Variants in HTR2C observed in about 807,000 individuals in gnomAD.
HTR2C encodes the protein 5-hydroxytryptamine (serotonin) receptor 2C, G protein-coupled.
HTR2C carries 5 observed loss-of-function variants against 21.0 expected under a neutral mutation model. The observed-to-expected ratio is 0.24, with a 90% CI of 0.12 to 0.50. The LOEUF (loss-of-function observed/expected upper bound fraction) is 0.50. Ranked by LOEUF, HTR2C falls within the 20% of genes least tolerant of loss-of-function variation. HTR2C has a pLI of 0.98. For missense variants in HTR2C, 271 were observed against 371.2 expected, an observed-to-expected ratio of 0.73 and a Z score of 2.22; for synonymous variants, 150 against 145.3, an observed-to-expected ratio of 1.03 and a Z score of -0.23.
intron 4 of HTR2C, chrX:114,776,564 T>C: frequency 3.8e-6 from 2 of 529,796 alleles, no homozygotes; most frequent in Non-Finnish European, 6.9e-6. Flanking sequence ...AATCAGATGT[T>C]TGGCATCAAA....
chrX:114,646,900 A>C (rs781954219), intron 2 of HTR2C, among the ~76,000 whole-genome samples: 357 of 112,034 alleles, frequency 3.2e-3, no homozygotes, highest in Non-Finnish European at 5.0e-3. Flanking sequence ...TGGTGATTAG[A>C]GATGATGAAC....
rs1569495799 is a variant in HTR2C, at chrX:114,806,335, T to TATATAC, written c.350-41667_350-41666insTATACA. On this transcript the variant is annotated intron_variant, in intron 4 of 5. Coordinates refer to ENST00000276198, the MANE Select transcript of HTR2C (RefSeq NM_000868.4). Reference sequence around the variant, plus strand: ...ACACTACATATATACACCATATATATACACCATATATATACACACCATATA... The same window carrying TATATAC: ...ACACTACATATATACACCATATATATATATACACACCATATATATACACACCATATA... 1.2e-3 allele frequency among the ~76,000 whole-genome samples: 109 copies of TATATAC among 92,964 alleles called. 2 individuals carry two copies. The highest frequency in any genetic ancestry group is 4.0e-3 in the African/African-American group (102 of 25,408). 80.7% of individuals were successfully genotyped at this position (92,964 alleles called of 115,157 possible). A position where few individuals can be genotyped will look rare whatever the true frequency, so the allele number is the denominator to read the frequency against.
chrX:114,894,843 C>G (rs1177826782), intron 5 of HTR2C, among the ~76,000 whole-genome samples: 3 of 110,153 alleles, frequency 2.7e-5, no homozygotes, highest in African/African-American at 9.9e-5. Flanking sequence ...GCCTCAGCCT[C>G]GAGTACTTGG....
At chrX:114,826,000 T>A (rs1556458266) in intron 4 of HTR2C, among the ~76,000 whole-genome samples, 1 of 111,336 alleles carries the variant, frequency 9.0e-6, no homozygotes, top group African/African-American at 3.3e-5. Flanking sequence ...GCACAGTATA[T>A]CTTTTATCCA....
chrX:114,729,556 AT>A (rs2069515892), intron 3 of HTR2C, among the ~76,000 whole-genome samples: 1 of 112,005 alleles, frequency 8.9e-6, no homozygotes, highest in South Asian at 3.7e-4. Flanking sequence ...TTTTACTCAT[AT>A]TAATCACAGA....
intron 5 of HTR2C, among the ~76,000 whole-genome samples, chrX:114,889,641 G>A (rs2071244825): frequency 8.9e-6 from 1 of 112,291 alleles, no homozygotes; most frequent in South Asian, 3.7e-4. Flanking sequence ...ACATTTGCCA[G>A]TAAATGTTTT....
At chrX:114,698,445 C>A (rs76626402) in intron 2 of HTR2C, among the ~76,000 whole-genome samples, 2 of 29,286 alleles carry the variant, frequency 6.8e-5, no homozygotes, top group African/African-American at 1.9e-4. Flanking sequence ...CACAAACACA[C>A]ACACACACAC....
chrX:114,752,640 G>A (rs1273908544), intron 4 of HTR2C, among the ~76,000 whole-genome samples: 2 of 110,713 alleles, frequency 1.8e-5, no homozygotes, highest in African/African-American at 6.6e-5. Context: ...AAATTCCCAA[G>A]GGGCATTATA....
chrX:114,761,902 T>TATGTGTATATATACGTGTATATATACAC (rs2069874709), intron 4 of HTR2C, among the ~76,000 whole-genome samples: 1 of 104,355 alleles, frequency 9.6e-6, no homozygotes, highest in Non-Finnish European at 2.0e-5. Context: ...TATATATACA[T>TATGTGTATATATACGTGTATATATACAC]ATATGTGTAT....
chrX:114,859,291 T>A (rs111231419), intron 5 of HTR2C, among the ~76,000 whole-genome samples: 206 of 110,643 alleles, frequency 1.9e-3, no homozygotes, highest in Non-Finnish European at 3.3e-3. Context: ...ACTGTCACCA[T>A]CTGAGCCTGC....
At chrX:114,625,779 G>A (rs938402921) in intron 2 of HTR2C, among the ~76,000 whole-genome samples, 1 of 111,400 alleles carries the variant, frequency 9.0e-6, no homozygotes, top group Non-Finnish European at 1.9e-5. Context: ...GTATCTCAAA[G>A]TGTGTGTTGG....
intron 2 of HTR2C, among the ~76,000 whole-genome samples, chrX:114,675,791 T>C (rs1430629770): frequency 8.9e-6 from 1 of 111,822 alleles, no homozygotes; most frequent in Non-Finnish European, 1.9e-5. Flanking sequence ...TTCAAAGTAA[T>C]GGCAGTTGCC....
intron 2 of HTR2C, among the ~76,000 whole-genome samples, chrX:114,653,147 T>G (rs2147836006): frequency 9.2e-6 from 1 of 108,775 alleles, no homozygotes; most frequent in South Asian, 4.0e-4. Flanking sequence ...TTTTTTTCTT[T>G]ACTACGTTAT....
At chrX:114,672,037 A>G (rs1931397016) in intron 2 of HTR2C, among the ~76,000 whole-genome samples, 1 of 111,545 alleles carries the variant, frequency 9.0e-6, no homozygotes. Context: ...TTATATTAAT[A>G]TGTATCAGAA....
intron 4 of HTR2C, among the ~76,000 whole-genome samples, chrX:114,766,740 T>C (rs1463024295): frequency 6.3e-5 from 7 of 111,766 alleles, no homozygotes; most frequent in Non-Finnish European, 1.3e-4. Context: ...TTTTCCTCTT[T>C]AGTCAAATTT....
At chrX:114,745,223 A>C (rs2069690753) in intron 4 of HTR2C, among the ~76,000 whole-genome samples, 1 of 112,502 alleles carries the variant, frequency 8.9e-6, no homozygotes, top group Non-Finnish European at 1.9e-5. Flanking sequence ...ATCAGAGACA[A>C]GCAAATCAAA....
chrX:114,819,377 A>C (rs782819775), intron 4 of HTR2C, among the ~76,000 whole-genome samples: 1 of 112,103 alleles, frequency 8.9e-6, no homozygotes, highest in Non-Finnish European at 1.9e-5. Flanking sequence ...ATTTCTTATA[A>C]AGGGTTACAG....
At chrX:114,783,674 A>G (rs1174038758) in intron 4 of HTR2C, among the ~76,000 whole-genome samples, 2 of 111,913 alleles carry the variant, frequency 1.8e-5, no homozygotes, top group Admixed American at 1.9e-4. Context: ...ACAAAAGTTG[A>G]CTATTTACTA....
intron 2 of HTR2C, among the ~76,000 whole-genome samples, chrX:114,622,751 C>T (rs1471232227): frequency 9.0e-6 from 1 of 111,714 alleles, no homozygotes; most frequent in African/African-American, 3.3e-5. Flanking sequence ...ACCTATAACC[C>T]CTGGTAAAAA....
Sources: gnomAD v4.1 joint callset for allele counts (sites outside exome capture counted in the v4.1 genomes callset) on GRCh38, gnomAD v4.1.1 for gene constraint, MANE v1.5 for transcripts, NCBI Gene and HGNC (gene_info 2026-07-23, HGNC 2026-07-21) for gene names.